Variants in PCYT1A observed in about 807,000 individuals in gnomAD.
The protein encoded by PCYT1A is choline-phosphate cytidylyltransferase A.
PCYT1A carries 25 observed loss-of-function variants against 43.7 expected under a neutral mutation model. The ratio of observed to expected loss-of-function variants is 0.57; its 90% CI spans 0.42 to 0.80. PCYT1A has a LOEUF of 0.80. Ranked by LOEUF, PCYT1A falls within the 30% of genes least tolerant of loss-of-function variation. The pLI is 0.00. For synonymous variants in PCYT1A, 172 were observed against 170.7 expected (o/e 1.01, Z -0.06); for missense variants, 421 against 474.2 (o/e 0.89, Z 1.04).
chr3:196,272,491 G>A (rs1329766703), intron 1 of PCYT1A, among the ~76,000 whole-genome samples: 2 of 152,034 alleles, frequency 1.3e-5, no homozygotes, highest in African/African-American at 4.8e-5. Context: ...GCCAATTTTT[G>A]TATTTTTAGT....
Position 196,241,513 on chromosome 3 carries a change from T to C in PCYT1A, c.708+435A>G, listed in dbSNP as rs746098222. The C allele has an allele frequency of 5.4e-6, 7 of 1,289,872 alleles. No individual in the cohort carries two copies. In the African/African-American group the frequency reaches 6.1e-5, roughly 11 times the overall value. 79.9% of individuals were successfully genotyped at this position (1,289,872 alleles called of 1,614,324 possible). A position where few individuals can be genotyped will look rare whatever the true frequency, so the allele number is the denominator to read the frequency against. On this transcript the variant is annotated intron_variant, in intron 7 of 8. Transcript: ENST00000431016. Reference sequence around the variant, plus strand: ...GAGTTTCTAAAAGGCAATATTAAGCTAAGATAAACTTAACTTTCGTCAATC... The same window carrying C: ...GAGTTTCTAAAAGGCAATATTAAGCCAAGATAAACTTAACTTTCGTCAATC...
At position 196,247,345 on chromosome 3, in the gene PCYT1A, G is replaced by A; in HGVS notation, c.486+22C>T. 6.2e-7 allele frequency: 1 copy of A among 1,612,612 alleles called. No homozygotes were observed. Among genetic ancestry groups the A allele is most frequent in the Non-Finnish European group, 8.5e-7 (1 of 1,179,506 alleles). Reference sequence around the variant, plus strand: ...GAGGGGATTCTGAAACAAGGAATGGGAATATGTGTCCAGTTTCTTACCCGG... The same window carrying A: ...GAGGGGATTCTGAAACAAGGAATGGAAATATGTGTCCAGTTTCTTACCCGG... On this transcript the variant is annotated intron_variant, in intron 5 of 8. Coordinates refer to ENST00000431016, the MANE Select transcript of PCYT1A (RefSeq NM_001312673.2). The surrounding 1 kb of genome is among the most constrained non-coding windows in gnomAD (Gnocchi z 4.8).
intron 1 of PCYT1A, among the ~76,000 whole-genome samples, chr3:196,280,514 T>C (rs1347179637): frequency 1.3e-5 from 2 of 151,850 alleles, no homozygotes; most frequent in Admixed American, 1.3e-4. Flanking sequence ...CCAGTTATTA[T>C]ACAATATTGG....
At chr3:196,269,538 T>A (rs1426261754) in intron 2 of PCYT1A, among the ~76,000 whole-genome samples, 1 of 151,924 alleles carries the variant, frequency 6.6e-6, no homozygotes, top group Admixed American at 6.6e-5. Flanking sequence ...TTAGGAAGGG[T>A]AGCAAGCTGA....
In PCYT1A at chr3:196,269,041, GA is replaced by G. The variant is rs1209473023; in HGVS notation, c.117+1373del. ...CAATGTGGGAACCCTCTAGAAGCTG[GA>G]AAAGGCAAGAAGATGGACTTTCCCC... On this transcript the variant is annotated intron_variant, in intron 2 of 8. Transcript: ENST00000431016. Among the ~76,000 whole-genome samples, 6 of 152,314 alleles carry G rather than the reference GA, an allele frequency of 3.9e-5. No homozygotes were observed. The East Asian group carries it at 1.2e-3, about 29-fold the overall frequency.
At chr3:196,239,803 A>G (rs2108761433) in intron 7 of PCYT1A, 68 bp from the exon 8 acceptor site, 2 of 1,068,896 alleles carry the variant, frequency 1.9e-6, no homozygotes, top group Non-Finnish European at 1.4e-6. Flanking sequence ...AAGAGAACGA[A>G]AAAACATGGC....
chr3:196,266,547 A>G (rs563991731), intron 2 of PCYT1A, among the ~76,000 whole-genome samples: 35 of 152,186 alleles, frequency 2.3e-4, no homozygotes, highest in Admixed American at 9.2e-4. Context: ...ATGAATAACT[A>G]AAAAGTAGTA....
intron 2 of PCYT1A, among the ~76,000 whole-genome samples, chr3:196,258,743 C>T (rs1183230485): frequency 1.3e-5 from 2 of 151,476 alleles, no homozygotes; most frequent in African/African-American, 4.9e-5. Flanking sequence ...ATACACTACC[C>T]GACACCCAGC....
chr3:196,274,922 C>T (rs943586310), intron 1 of PCYT1A, among the ~76,000 whole-genome samples: 1 of 152,034 alleles, frequency 6.6e-6, no homozygotes, highest in Non-Finnish European at 1.5e-5. Flanking sequence ...CATTTCACTC[C>T]GAGTTCTTTC....
chr3:196,243,991 G>A (rs1386926907), intron 5 of PCYT1A, among the ~76,000 whole-genome samples: 14 of 152,022 alleles, frequency 9.2e-5, no homozygotes, highest in Non-Finnish European at 1.6e-4. Context: ...CTGCCTGGCC[G>A]CCCATCGTCT....
rs13062089 is a variant in PCYT1A at position 196,273,195 on chromosome 3, A to G, written c.-10-2654T>C. Among the ~76,000 whole-genome samples the G allele has an allele frequency of 0.051, 7,800 of 152,290 alleles. 306 individuals carry two copies. Among genetic ancestry groups the G allele is most frequent in the Non-Finnish European group, 0.074 (5,016 of 68,006 alleles). ...TGCTGCCCAGAAGCTTGGAGAGGCC[A>G]GGAACCACAGAGCTCCAAAGAGGGT... On this transcript the variant is annotated intron_variant, in intron 1 of 8. Transcript: ENST00000431016. This position sits in a 1 kb window ranked among gnomAD's most constrained non-coding sequence, Gnocchi z 4.1.
At chr3:196,246,576 A>C (rs1724576698) in intron 5 of PCYT1A, among the ~76,000 whole-genome samples, 1 of 152,202 alleles carries the variant, frequency 6.6e-6, no homozygotes, top group Non-Finnish European at 1.5e-5. Flanking sequence ...AAAGGAGGTA[A>C]GGGGTTGATA....
intron 5 of PCYT1A, among the ~76,000 whole-genome samples, chr3:196,243,963 G>A (rs1193159693): frequency 6.6e-6 from 1 of 152,152 alleles, no homozygotes; most frequent in East Asian, 1.9e-4. Flanking sequence ...CACCCCGTCT[G>A]GGAAGTGAGG....
At chr3:196,243,706 GTAT>G (rs1560162553) in intron 5 of PCYT1A, among the ~76,000 whole-genome samples, 2 of 152,198 alleles carry the variant, frequency 1.3e-5, no homozygotes, top group South Asian at 2.1e-4. Context: ...ACTGGTTTTC[GTAT>G]TTTTTTGGTG....
rs115239468 is a variant in PCYT1A at position 196,275,813 on chromosome 3, T to A, written c.-10-5272A>T. On this transcript the variant is annotated intron_variant, in intron 1 of 8. Coordinates refer to ENST00000431016, the MANE Select transcript of PCYT1A (RefSeq NM_001312673.2). ...GAATGGTGACTATAATAAATAATAATGCAGCCAGGCACGGTGGCTCACACC... is the reference window on the plus strand; with the variant it reads ...GAATGGTGACTATAATAAATAATAAAGCAGCCAGGCACGGTGGCTCACACC... Among the ~76,000 whole-genome samples, 1,304 of 150,610 alleles carry A rather than the reference T, an allele frequency of 8.7e-3. 19 individuals are homozygous for A. The highest frequency in any genetic ancestry group is 0.03 in the African/African-American group (1,249 of 41,086).
intron 2 of PCYT1A, among the ~76,000 whole-genome samples, chr3:196,259,844 CAAAA>C (rs112667455): frequency 1.0e-5 from 1 of 99,830 alleles, no homozygotes. Context: ...GACCCTGTCT[CAAAA>C]AAAAAAAAAT....
chr3:196,264,795 G>GT (rs1309544978), intron 2 of PCYT1A, among the ~76,000 whole-genome samples: 10 of 152,164 alleles, frequency 6.6e-5, no homozygotes, highest in Non-Finnish European at 1.5e-5. Context: ...ATTTCATACT[G>GT]TATCATAATT....
At chr3:196,267,058 A>G (rs1725295995) in intron 2 of PCYT1A, among the ~76,000 whole-genome samples, 1 of 152,078 alleles carries the variant, frequency 6.6e-6, no homozygotes, top group Admixed American at 6.6e-5. Context: ...TGGCGCCTGT[A>G]ATCCCAGCTA....
At chr3:196,285,498 A>AAGAG (rs1182795651) in intron 1 of PCYT1A, among the ~76,000 whole-genome samples, 2 of 152,170 alleles carry the variant, frequency 1.3e-5, no homozygotes, top group African/African-American at 4.8e-5. Flanking sequence ...AAAGGGCTGT[A>AAGAG]AGAGAGAAGG....
Sources: gnomAD v4.1 joint callset for allele counts (sites outside exome capture counted in the v4.1 genomes callset) on GRCh38, gnomAD v4.1.1 for gene constraint, Gnocchi (gnomAD v3.1) non-coding constraint, MANE v1.5 for transcripts, NCBI Gene and HGNC (gene_info 2026-07-23, HGNC 2026-07-21) for gene names.